Variants in SNX29 observed in about 807,000 individuals in gnomAD.
The protein encoded by SNX29 is sorting nexin 29.
A neutral mutation model predicts 102.1 loss-of-function variants in SNX29; 78 were observed. The observed-to-expected ratio is 0.76, with a 90% CI of 0.64 to 0.92. SNX29 has a LOEUF of 0.92. SNX29 is among the 40% of genes least tolerant of loss of function. The pLI, the probability that SNX29 is intolerant of heterozygous loss-of-function variation, is 0.00. For missense variants in SNX29, 1,280 were observed against 1,061.7 expected (o/e 1.21, Z -2.86); for synonymous variants, 580 against 414.5 (o/e 1.40, Z -4.85).
intron 15 of SNX29, among the ~76,000 whole-genome samples, chr16:12,279,728 G>A (rs1338162346): frequency 6.6e-6 from 1 of 152,230 alleles, no homozygotes; most frequent in Non-Finnish European, 1.5e-5. Context: ...GCCACTTATT[G>A]GCAAATGGTA....
In SNX29 at chr16:12,569,895, T is replaced by C. The variant is rs1482127778; in HGVS notation, c.*1266T>C. 78 of 231,718 alleles carry C rather than the reference T, an allele frequency of 3.4e-4. No individual in the cohort carries two copies. The highest frequency in any genetic ancestry group is 1.6e-3 in the African/African-American group (74 of 45,354). 14.4% of individuals were successfully genotyped at this position (231,718 alleles called of 1,614,324 possible). ...AAGAGTAAGTTTGTGTGTTTCGCCT[T>C]AATCTGAGGCAGAGACACAGCAGAA... is the stretch of plus-strand genomic sequence containing the variant. On this transcript the variant is annotated 3_prime_UTR_variant, in exon 21 of 21. Transcript: ENST00000566228.
chr16:12,380,955 A>ACCG (rs1239268628), intron 16 of SNX29, among the ~76,000 whole-genome samples: 2 of 48,364 alleles, frequency 4.1e-5, no homozygotes, highest in Non-Finnish European at 7.6e-5. Context: ...CCATCCACCC[A>ACCG]TCCATCAATT....
chr16:12,169,274 G>C (rs1304312411), intron 13 of SNX29, among the ~76,000 whole-genome samples: 1 of 152,224 alleles, frequency 6.6e-6, no homozygotes, highest in African/African-American at 2.4e-5. Context: ...TAGGGAGGGT[G>C]CCCTGTAGGC....
At chr16:12,168,997 T>C (rs2076081667) in intron 13 of SNX29, among the ~76,000 whole-genome samples, 1 of 152,206 alleles carries the variant, frequency 6.6e-6, no homozygotes, top group Non-Finnish European at 1.5e-5. Flanking sequence ...GAAAGGGTTT[T>C]CCGTCACAGC....
intron 3 of SNX29, among the ~76,000 whole-genome samples, chr16:12,013,698 G>A (rs764259596): frequency 5.3e-5 from 8 of 150,234 alleles, no homozygotes; most frequent in Non-Finnish European, 8.9e-5. Context: ...AGCCTGGAGT[G>A]CAGTGGCATA....
chr16:12,522,163 C>T (rs1208345396), intron 19 of SNX29, among the ~76,000 whole-genome samples: 1 of 152,198 alleles, frequency 6.6e-6, no homozygotes, highest in Non-Finnish European at 1.5e-5. Flanking sequence ...ATTGGAAGTT[C>T]AGATAAACCA....
At chr16:12,486,155 C>A (rs1190644153) in intron 19 of SNX29, among the ~76,000 whole-genome samples, 2 of 152,194 alleles carry the variant, frequency 1.3e-5, no homozygotes, top group Non-Finnish European at 2.9e-5. Context: ...GCTCGTGGCC[C>A]CTTCCTCTGT....
intron 15 of SNX29, among the ~76,000 whole-genome samples, chr16:12,338,163 C>G (rs1485002578): frequency 6.6e-6 from 1 of 152,116 alleles, no homozygotes; most frequent in Non-Finnish European, 1.5e-5. Flanking sequence ...GGAGGCGGAT[C>G]AATTGTTTAG....
intron 15 of SNX29, among the ~76,000 whole-genome samples, chr16:12,351,632 C>T (rs570417232): frequency 6.6e-6 from 1 of 152,076 alleles, no homozygotes; most frequent in African/African-American, 2.4e-5. Flanking sequence ...TATGATAATT[C>T]CTGGTATTTT....
chr16:12,036,996 C>G (rs1178691791), intron 4 of SNX29, among the ~76,000 whole-genome samples: 1 of 152,144 alleles, frequency 6.6e-6, no homozygotes, highest in African/African-American at 2.4e-5. Context: ...TCGTCCCTCA[C>G]CACCGCTTCT....
chr16:12,556,348 C>G (rs918977260), intron 20 of SNX29: 3 of 152,216 alleles, frequency 2.0e-5, no homozygotes, highest in East Asian at 1.9e-4. Context: ...TTGGACTTCA[C>G]TCACCTGGTT....
chr16:12,401,292 C>T (rs928257827), intron 17 of SNX29, among the ~76,000 whole-genome samples: 5 of 151,996 alleles, frequency 3.3e-5, no homozygotes, highest in Non-Finnish European at 7.4e-5. Flanking sequence ...GGCCACAAAA[C>T]CAGTCTCAAT....
Position 12,561,987 on chromosome 16 carries a change from G to C in SNX29, c.2319-6519G>C, listed in dbSNP as rs559292622. 3.7e-4 allele frequency among the ~76,000 whole-genome samples: 56 copies of C among 152,240 alleles called. 1 individual carries two copies. The highest frequency in any genetic ancestry group is 3.5e-3 in the Admixed American group (53 of 15,294). ...TGTCCCCAGAGTGTCTACCAGCTTG[G>C]TGACAATGGACCCTGCAACCCAGGA... On this transcript the variant is annotated intron_variant, in intron 20 of 20. Coordinates refer to ENST00000566228, the MANE Select transcript of SNX29 (RefSeq NM_032167.5).
At chr16:12,508,242 C>T (rs564818859) in intron 19 of SNX29, among the ~76,000 whole-genome samples, 3 of 152,278 alleles carry the variant, frequency 2.0e-5, no homozygotes, top group African/African-American at 4.8e-5. Flanking sequence ...GGCAAGGTCA[C>T]GCATCCCCGG....
chr16:12,032,199 T>C (rs2057363661), intron 4 of SNX29, among the ~76,000 whole-genome samples: 1 of 148,812 alleles, frequency 6.7e-6, no homozygotes, highest in Non-Finnish European at 1.5e-5. Context: ...TTCTTCTTCT[T>C]CTTCTTTTTT....
intron 18 of SNX29, among the ~76,000 whole-genome samples, chr16:12,412,813 T>G (rs2084457455): frequency 6.6e-6 from 1 of 152,228 alleles, no homozygotes; most frequent in Non-Finnish European, 1.5e-5. Flanking sequence ...ATTTTTATAT[T>G]TACTTTTTAT....
intron 2 of SNX29, among the ~76,000 whole-genome samples, chr16:12,001,534 A>G (rs1455963830): frequency 6.6e-6 from 1 of 152,168 alleles, no homozygotes; most frequent in African/African-American, 2.4e-5. Context: ...ATATAATAAA[A>G]TATAGCCATT....
intron 20 of SNX29, among the ~76,000 whole-genome samples, chr16:12,550,634 T>TA (rs1170886384): frequency 6.6e-6 from 1 of 152,100 alleles, no homozygotes; most frequent in African/African-American, 2.4e-5. Flanking sequence ...AAAGACACAT[T>TA]AAAAAGTAAC....
Position 12,344,071 on chromosome 16 carries a change from T to C in SNX29, c.1783-12092T>C, listed in dbSNP as rs565799551. 1.9e-3 allele frequency among the ~76,000 whole-genome samples: 296 copies of C among 152,292 alleles called. 2 individuals are homozygous for C. Among genetic ancestry groups the C allele is most frequent in the African/African-American group, 6.8e-3 (281 of 41,556 alleles). On this transcript the variant is annotated intron_variant, in intron 15 of 20. Transcript: ENST00000566228. Reference sequence around the variant, plus strand: ...ATGGTTTTATGAGAGGTTTCCTCTTTCTCTTGGCTCTCATTCACTCTCTTG... The same window carrying C: ...ATGGTTTTATGAGAGGTTTCCTCTTCCTCTTGGCTCTCATTCACTCTCTTG...
Sources: gnomAD v4.1 joint callset for allele counts (sites outside exome capture counted in the v4.1 genomes callset) on GRCh38, gnomAD v4.1.1 for gene constraint, MANE v1.5 for transcripts, NCBI Gene and HGNC (gene_info 2026-07-23, HGNC 2026-07-21) for gene names.